The following EFNB1 variants were observed in gnomAD, a reference collection of about 807,000 sequenced individuals.
EFNB1 encodes ephrin-B1.
Under a neutral mutation model 18.1 loss-of-function variants are expected in EFNB1, and 1 was observed. That is an observed-to-expected ratio of 0.06 (90% CI 0.02 to 0.26). The LOEUF is 0.26. EFNB1 is among the 10% of genes least tolerant of loss of function. EFNB1 has a pLI of 1.00. For synonymous variants in EFNB1, 131 were observed against 127.5 expected (o/e 1.03, Z -0.19); for missense variants, 221 against 301.8 (o/e 0.73, Z 1.98).
At chrX:68,832,443 T>C (rs1425391296) in intron 1 of EFNB1, among the ~76,000 whole-genome samples, 1 of 110,917 alleles carries the variant, frequency 9.0e-6, no homozygotes, top group Non-Finnish European at 1.9e-5. Flanking sequence ...TCCTCAGCCC[T>C]GTCAGAAGCT....
rs139698751 is a variant in EFNB1 at position 68,829,548 on chromosome X, G to A, written c.-229G>A. ...GGAGAGCCCAGGAGAACGAGCCCTC[G>A]GGGGCCGAAGCCCATGCCCGGGTTG... On this transcript the variant is annotated 5_prime_UTR_variant, in exon 1 of 5. Transcript: ENST00000204961. The A allele has an allele frequency of 2.3e-4, 109 of 482,492 alleles. No individual in the cohort carries two copies. The East Asian group carries it at 4.2e-3, about 18-fold the overall frequency. 39.8% of individuals were successfully genotyped at this position (482,492 alleles called of 1,213,427 possible).
chrX:68,841,371 A>T lies in EFNB1; in HGVS notation c.*717A>T, dbSNP rs1161538166. The stretch of plus-strand genomic sequence containing the variant: ...CTGCCACCCTTCCACACACACACAC[A>T]CACACACACACACAAAAAAAAATCC... On this transcript the variant is annotated 3_prime_UTR_variant, in exon 5 of 5. Coordinates refer to ENST00000204961, the MANE Select transcript of EFNB1 (RefSeq NM_004429.5). The T allele has an allele frequency of 9.1e-6, 1 of 110,376 alleles. No individual in the cohort carries two copies. Among genetic ancestry groups the T allele is most frequent in the Non-Finnish European group, 1.9e-5 (1 of 52,501 alleles). 9.1% of individuals were successfully genotyped at this position (110,376 alleles called of 1,213,427 possible).
chrX:68,837,830 G>A (rs1361159096), intron 1 of EFNB1, among the ~76,000 whole-genome samples: 1 of 112,383 alleles, frequency 8.9e-6, no homozygotes, highest in Non-Finnish European at 1.9e-5. Flanking sequence ...CTTCTCCTCT[G>A]TTCTTTTTAA....
chrX:68,841,233 G>T lies in EFNB1; in HGVS notation c.*579G>T, dbSNP rs1432788699. ...CTTGGTATTTCTGGTGGGGTAAGGG[G>T]CAGGCCAGGGCTGTTCACGCCCATG... On this transcript the variant is annotated 3_prime_UTR_variant, in exon 5 of 5. Coordinates refer to ENST00000204961, the MANE Select transcript of EFNB1 (RefSeq NM_004429.5). 8.5e-6 allele frequency: 1 copy of T among 118,101 alleles called. No individual in the cohort carries two copies. Among genetic ancestry groups the T allele is most frequent in the Non-Finnish European group, 1.8e-5 (1 of 56,934 alleles). The allele number at this position is 118,101 out of a possible 1,213,427, so 9.7% of individuals were successfully genotyped here.
rs775140374 is a variant in EFNB1, at chrX:68,840,226, C to T, written c.629-16C>T. 17 of 1,210,334 alleles carry T rather than the reference C, an allele frequency of 1.4e-5. No homozygotes were observed. In the African/African-American group the frequency reaches 2.4e-4, roughly 17 times the overall value. On this transcript the variant is annotated splice_polypyrimidine_tract_variant and intron_variant, in intron 4 of 4. Coordinates refer to ENST00000204961, the MANE Select transcript of EFNB1 (RefSeq NM_004429.5). ...GGACCCCTGGCTGACTGTTCCTTCC[C>T]CTTTCCCTTCCTCAGAGACTGTGAA... is the stretch of plus-strand genomic sequence containing the variant.
At chrX:68,839,325 C>G (rs1436955720) in intron 2 of EFNB1, among the ~76,000 whole-genome samples, 1 of 112,222 alleles carries the variant, frequency 8.9e-6, no homozygotes, top group Non-Finnish European at 1.9e-5. Context: ...CAACCCAGTT[C>G]TCCTGATTCC....
chrX:68,832,039 C>T (rs893925855), intron 1 of EFNB1, among the ~76,000 whole-genome samples: 2 of 110,194 alleles, frequency 1.8e-5, no homozygotes, highest in African/African-American at 6.6e-5. Context: ...TGTGTTGGCT[C>T]GGGGTGGTGG....
At position 68,829,522 on chromosome X, in the gene EFNB1, C is replaced by A. The variant is rs2080437975; in HGVS notation, c.-255C>A. On this transcript the variant is annotated 5_prime_UTR_variant, in exon 1 of 5. Coordinates refer to ENST00000204961, the MANE Select transcript of EFNB1 (RefSeq NM_004429.5). The stretch of plus-strand genomic sequence containing the variant: ...GCCCCCGTCGCGCCTCGTGCGGCAG[C>A]GGAGAGCCCAGGAGAACGAGCCCTC... 2.4e-6 allele frequency: 1 copy of A among 413,955 alleles called. No homozygotes were observed. The highest frequency in any genetic ancestry group is 4.1e-6 in the Non-Finnish European group (1 of 241,414). The allele number at this position is 413,955 out of a possible 1,213,427, so 34.1% of individuals were successfully genotyped here.
At chrX:68,833,711 G>A (rs772522945) in intron 1 of EFNB1, among the ~76,000 whole-genome samples, 10 of 112,296 alleles carry the variant, frequency 8.9e-5, no homozygotes, top group Non-Finnish European at 1.7e-4. Context: ...CGTGTTTCAC[G>A]ATCATTGTTT....
chrX:68,832,260 C>T (rs1370339701), intron 1 of EFNB1, among the ~76,000 whole-genome samples: 2 of 111,092 alleles, frequency 1.8e-5, no homozygotes, highest in African/African-American at 6.6e-5. Flanking sequence ...GCTCACTTCC[C>T]CTCTCCAGCT....
At chrX:68,839,601 G>A in intron 2 of EFNB1, 63 bp from the exon 3 acceptor site, 1 of 1,083,085 alleles carries the variant, frequency 9.2e-7, no homozygotes, top group South Asian at 1.9e-5. Flanking sequence ...GGAGTTTCTG[G>A]GTAATGCTAG....
intron 1 of EFNB1, among the ~76,000 whole-genome samples, chrX:68,830,645 C>T (rs2080442520): frequency 8.9e-6 from 1 of 112,164 alleles, no homozygotes; most frequent in Admixed American, 9.3e-5. Flanking sequence ...GGTAACAGAG[C>T]TTCAAGGGCC....
At chrX:68,830,386 T>A (rs1355833329) in intron 1 of EFNB1, among the ~76,000 whole-genome samples, 1 of 112,683 alleles carries the variant, frequency 8.9e-6, no homozygotes, top group Non-Finnish European at 1.9e-5. Flanking sequence ...TTGGGGTGGG[T>A]GGCAGCGCCA....
Position 68,841,098 on chromosome X carries a change from A to C in EFNB1, c.*444A>C. 1 of 153,511 alleles carries C rather than the reference A, an allele frequency of 6.5e-6. No homozygotes were observed. The allele number at this position is 153,511 out of a possible 1,213,427, so 12.7% of individuals were successfully genotyped here. On this transcript the variant is annotated 3_prime_UTR_variant, in exon 5 of 5. Transcript: ENST00000204961. ...TTTGAAGAAAAATGGAAAAATGTAA[A>C]AGGCAGCCCCTCCCCAGGCTTTGTG...
At chrX:68,838,160 TGTGTGTGTGTGTGCGCGC>T (rs57933505) in intron 1 of EFNB1, among the ~76,000 whole-genome samples, 2,859 of 54,130 alleles carry the variant, frequency 0.053, 86 homozygotes, top group African/African-American at 0.21. Flanking sequence ...TGTGTGTGTG[TGTGTGTGTGTGTGCGCGC>T]GCGCGCGCGC....
intron 4 of EFNB1, 66 bp from the exon 5 acceptor site, chrX:68,840,176 G>A (rs1256020901): frequency 5.0e-6 from 6 of 1,209,683 alleles, no homozygotes; most frequent in Admixed American, 2.2e-5. Flanking sequence ...GCTGGGCCTG[G>A]CCTGAAATCT....
rs1782250398 is a variant in EFNB1 at position 68,838,597 on chromosome X, A to G, written c.129-20A>G. On this transcript the variant is annotated intron_variant, in intron 1 of 4. Coordinates refer to ENST00000204961, the MANE Select transcript of EFNB1 (RefSeq NM_004429.5). ...GCCACCCCCAACCCTGAGGCTGACC[A>G]TCTTCTTCCTTCTGGGCAGGTTCCT... The G allele has an allele frequency of 8.3e-7, 1 of 1,210,093 alleles. No homozygotes were observed. Among genetic ancestry groups the G allele is most frequent in the African/African-American group, 1.7e-5 (1 of 57,276 alleles).
In EFNB1 at chrX:68,829,965, A is replaced by G. The variant is rs752230628; in HGVS notation, c.128+61A>G. 318 of 1,150,316 alleles carry G rather than the reference A, an allele frequency of 2.8e-4. 3 individuals are homozygous for G. In the South Asian group the frequency reaches 5.8e-3, roughly 21 times the overall value. 94.8% of individuals were successfully genotyped at this position (1,150,316 alleles called of 1,213,427 possible). The stretch of plus-strand genomic sequence containing the variant: ...AGGCACTCCTTCAGGGTGAGGCCGC[A>G]CGCCCCGGAGTGCATGTGGGGAGGT... On this transcript the variant is annotated intron_variant, in intron 1 of 4. Coordinates refer to ENST00000204961, the MANE Select transcript of EFNB1 (RefSeq NM_004429.5).
In EFNB1 at chrX:68,840,660, C is replaced by T. The variant is rs2230423; in HGVS notation, c.*6C>T. 0.11 allele frequency: 128,358 copies of T among 1,201,856 alleles called. 4,866 individuals are homozygous for T. Among genetic ancestry groups the T allele is most frequent in the Non-Finnish European group, 0.11 (100,381 of 891,336 alleles). On this transcript the variant is annotated 3_prime_UTR_variant, in exon 5 of 5. Coordinates refer to ENST00000204961, the MANE Select transcript of EFNB1 (RefSeq NM_004429.5). ...ACATCTACTACAAGGTCTGAGTGCC[C>T]GGCACGGCCTCAGGCCCCCGAGGGA...
Sources: allele counts gnomAD v4.1 joint callset (sites outside exome capture counted in the v4.1 genomes callset), GRCh38; gene constraint gnomAD v4.1.1; transcripts MANE v1.5; gene names NCBI Gene and HGNC (gene_info 2026-07-23, HGNC 2026-07-21).